TCERG1L: variants seen among roughly 807,000 people sequenced by gnomAD.
TCERG1L encodes transcription elongation regulator 1 like, also known as transcription elongation regulator 1-like protein.
Under a neutral mutation model 56.3 loss-of-function variants are expected in TCERG1L, and 37 were observed. The observed-to-expected ratio is 0.66, with a 90% CI of 0.51 to 0.87. The LOEUF is 0.87. Among genes scored for constraint, TCERG1L ranks in the 40% least tolerant of loss-of-function variants. The pLI, the probability that TCERG1L is intolerant of heterozygous loss-of-function variation, is 0.00. For missense variants in TCERG1L, 799 were observed against 774.2 expected (o/e 1.03, Z -0.38); for synonymous variants, 324 against 326.3 (o/e 0.99, Z 0.08).
intron 8 of TCERG1L, among the ~76,000 whole-genome samples, chr10:131,133,750 C>T (rs924589640): frequency 1.3e-5 from 2 of 152,178 alleles, no homozygotes; most frequent in African/African-American, 4.8e-5. Flanking sequence ...CAGGAGCCAA[C>T]CCCCAACTTG....
At chr10:131,107,928 C>T (rs1263324862) in intron 9 of TCERG1L, among the ~76,000 whole-genome samples, 2 of 150,978 alleles carry the variant, frequency 1.3e-5, no homozygotes, top group Non-Finnish European at 1.5e-5. Flanking sequence ...AAGATGCACA[C>T]ATTGATACAC....
At chr10:131,141,016 G>C (rs1417924466) in intron 7 of TCERG1L, among the ~76,000 whole-genome samples, 1 of 152,296 alleles carries the variant, frequency 6.6e-6, no homozygotes, top group East Asian at 1.9e-4. Flanking sequence ...AATTTGATGG[G>C]TGTGGAGTTT....
intron 4 of TCERG1L, among the ~76,000 whole-genome samples, chr10:131,195,268 GGCCGGTGGGTGTGGCTGTCTTCCTTT>G (rs1845346411): frequency 6.6e-6 from 1 of 152,180 alleles, no homozygotes; most frequent in Non-Finnish European, 1.5e-5. Flanking sequence ...GCCCATACCT[GGCCGGTGGGTGTGGCTGTCTTCCTTT>G]TGCACCTGTG....
chr10:131,208,761 A>C (rs758837420), intron 4 of TCERG1L, among the ~76,000 whole-genome samples: 1 of 152,182 alleles, frequency 6.6e-6, no homozygotes, highest in African/African-American at 2.4e-5. Context: ...CTCAGTCAAA[A>C]CACAGTCAAA....
intron 4 of TCERG1L, among the ~76,000 whole-genome samples, chr10:131,222,484 C>CT (rs1369958960): frequency 6.6e-6 from 1 of 152,244 alleles, no homozygotes; most frequent in Non-Finnish European, 1.5e-5. Context: ...ATTTCTCCAC[C>CT]TAAGTCAGAA....
At chr10:131,127,192 C>G (rs1259481750) in intron 8 of TCERG1L, among the ~76,000 whole-genome samples, 1 of 152,176 alleles carries the variant, frequency 6.6e-6, no homozygotes, top group East Asian at 1.9e-4. Flanking sequence ...AGAGTCTAAG[C>G]ACACCGAATT....
chr10:131,180,094 C>T (rs2397746), intron 4 of TCERG1L, among the ~76,000 whole-genome samples: 8 of 152,018 alleles, frequency 5.3e-5, no homozygotes, highest in African/African-American at 1.9e-4. Flanking sequence ...CCAACCTGCT[C>T]GACAAGGGAC....
chr10:131,139,795 T>A (rs1845715694), intron 7 of TCERG1L, among the ~76,000 whole-genome samples: 1 of 151,854 alleles, frequency 6.6e-6, no homozygotes. Flanking sequence ...TGTGCTTGTG[T>A]GTCTGTGTGC....
intron 4 of TCERG1L, among the ~76,000 whole-genome samples, chr10:131,182,016 ATGTG>A (rs1190322023): frequency 6.6e-6 from 1 of 152,110 alleles, no homozygotes; most frequent in African/African-American, 2.4e-5. Flanking sequence ...CACCGTGTGT[ATGTG>A]TGTGTACATA....
chr10:131,197,257 G>C lies in TCERG1L; in HGVS notation c.857-30372C>G, dbSNP rs189473073. 2.0e-4 allele frequency among the ~76,000 whole-genome samples: 31 copies of C among 151,580 alleles called. No homozygotes were observed. In the East Asian group the frequency reaches 5.4e-3, roughly 27 times the overall value. On this transcript the variant is annotated intron_variant, in intron 4 of 11. Transcript: ENST00000368642. Reference sequence around the variant, plus strand: ...AGTGCAATGGCAAGATCTCGGCTCAGTGCAAGCTCCGCCTCCCAGGTTCAC... The same window carrying C: ...AGTGCAATGGCAAGATCTCGGCTCACTGCAAGCTCCGCCTCCCAGGTTCAC...
intron 4 of TCERG1L, among the ~76,000 whole-genome samples, chr10:131,168,729 C>T (rs1180910763): frequency 6.6e-6 from 1 of 152,214 alleles, no homozygotes; most frequent in East Asian, 1.9e-4. Flanking sequence ...GCCCTTAGTG[C>T]CGGCTGCTGG....
At chr10:131,105,953 C>G (rs1172200216) in intron 9 of TCERG1L, among the ~76,000 whole-genome samples, 2 of 152,154 alleles carry the variant, frequency 1.3e-5, no homozygotes. Context: ...TCCTTAATTT[C>G]TGCTACTAAA....
chr10:131,241,740 CAT>C (rs996981916), intron 4 of TCERG1L, among the ~76,000 whole-genome samples: 1 of 151,898 alleles, frequency 6.6e-6, no homozygotes, highest in African/African-American at 2.4e-5. Flanking sequence ...TATGTGTATA[CAT>C]ATACATGCTT....
intron 8 of TCERG1L, among the ~76,000 whole-genome samples, chr10:131,126,215 A>G (rs1230861150): frequency 6.6e-6 from 1 of 152,196 alleles, no homozygotes; most frequent in Non-Finnish European, 1.5e-5. Context: ...CCCAGTCTTC[A>G]GTGTGACCAC....
intron 11 of TCERG1L, among the ~76,000 whole-genome samples, chr10:131,095,011 C>A (rs143724831): frequency 6.6e-6 from 1 of 152,226 alleles, no homozygotes; most frequent in Non-Finnish European, 1.5e-5. Context: ...GGGCAGCAAC[C>A]GGCTTTCTGC....
intron 8 of TCERG1L, among the ~76,000 whole-genome samples, chr10:131,132,117 A>G (rs1425107807): frequency 1.3e-5 from 2 of 152,170 alleles, no homozygotes; most frequent in Admixed American, 1.3e-4. Context: ...AACCTGCCCT[A>G]TGGTGAAGCT....
chr10:131,247,027 C>G (rs1249851870), intron 4 of TCERG1L, among the ~76,000 whole-genome samples: 1 of 152,104 alleles, frequency 6.6e-6, no homozygotes, highest in Non-Finnish European at 1.5e-5. Flanking sequence ...TGCGGCACAA[C>G]AGATTCCCAA....
chr10:131,296,758 T>C (rs1231682173), intron 3 of TCERG1L, among the ~76,000 whole-genome samples: 3 of 152,258 alleles, frequency 2.0e-5, no homozygotes, highest in Admixed American at 2.0e-4. Flanking sequence ...CCTCCATTTA[T>C]TAATGTCTTA....
rs558798347 is a variant in TCERG1L, at chr10:131,111,133, G to A, written c.1395+5666C>T. ...GCCTTGAGAGGGCCTCAGATCAGGG[G>A]CGCAGTCCACGGCCTCTCCAAGGAA... is the stretch of plus-strand genomic sequence containing the variant. On this transcript the variant is annotated intron_variant, in intron 9 of 11. Transcript: ENST00000368642. 3.5e-5 allele frequency among the ~76,000 whole-genome samples: 5 copies of A among 143,616 alleles called. 1 individual carries two copies. The highest frequency in any genetic ancestry group is 1.2e-4 in the African/African-American group (5 of 40,788). The allele number at this position is 143,616 out of a possible 152,430, so 94.2% of individuals were successfully genotyped here.
Sources: gnomAD v4.1 joint callset for allele counts (sites outside exome capture counted in the v4.1 genomes callset) on GRCh38, gnomAD v4.1.1 for gene constraint, MANE v1.5 for transcripts, NCBI Gene and HGNC (gene_info 2026-07-23, HGNC 2026-07-21) for gene names.